Variants in RBP7 observed in about 807,000 individuals in gnomAD.
RBP7 encodes the protein retinoid-binding protein 7.
A neutral mutation model predicts 16.7 loss-of-function variants in RBP7; 13 were observed. The observed-to-expected ratio is 0.78, with a 90% CI of 0.51 to 1.24. The LOEUF (loss-of-function observed/expected upper bound fraction) is 1.24, where lower values mean the gene tolerates loss of function less well. RBP7 is among the 50% of genes most tolerant of loss of function. The pLI is 0.00. For missense variants in RBP7, 145 were observed against 159.5 expected, an observed-to-expected ratio of 0.91 and a Z score of 0.49; for synonymous variants, 54 against 56.2, an observed-to-expected ratio of 0.96 and a Z score of 0.17.
At chr1:10,014,022 C>A (rs991858862) in intron 3 of RBP7, among the ~76,000 whole-genome samples, 3 of 151,898 alleles carry the variant, frequency 2.0e-5, no homozygotes, top group African/African-American at 4.8e-5. Context: ...AAAAAAAGAT[C>A]TTTTGTGTGT....
At chr1:10,003,596 C>T (rs1642338975) in intron 1 of RBP7, among the ~76,000 whole-genome samples, 1 of 152,188 alleles carries the variant, frequency 6.6e-6, no homozygotes, top group African/African-American at 2.4e-5. Context: ...ACTGCTTCTT[C>T]AATAAAGCTG....
chr1:10,002,997 C>CT (rs1398952231), intron 1 of RBP7, among the ~76,000 whole-genome samples: 1 of 152,130 alleles, frequency 6.6e-6, no homozygotes, highest in Non-Finnish European at 1.5e-5. Flanking sequence ...ATGGAAGCAG[C>CT]TTTTCATAAA....
chr1:10,007,785 G>A (rs369736243), intron 2 of RBP7, 37 bp downstream of exon 2: 9 of 1,583,052 alleles, frequency 5.7e-6, no homozygotes, highest in South Asian at 4.5e-5. Flanking sequence ...GGTGGATTAC[G>A]CTTGTAATCC....
At chr1:10,006,945 CT>C (rs1280164688) in intron 1 of RBP7, 1 of 439,496 alleles carries the variant, frequency 2.3e-6, no homozygotes, top group Admixed American at 2.5e-5. Flanking sequence ...CTTTGGTTTT[CT>C]TTTTCTTTCT....
At position 9,997,344 on chromosome 1, in the gene RBP7, G is replaced by C. The variant is rs768413856; in HGVS notation, c.73+13G>C. ...ATGCTGGCCCTAGGTAAGGCGGAGG[G>C]GAGGCGGCGGCGGCGCGAGGCTCGC... On this transcript the variant is annotated intron_variant, in intron 1 of 3. Coordinates refer to ENST00000294435, the MANE Select transcript of RBP7 (RefSeq NM_052960.3). The surrounding 1 kb of genome is among the most constrained non-coding windows in gnomAD (Gnocchi z 5.9). The C allele has an allele frequency of 6.2e-7, 1 of 1,609,204 alleles. No homozygotes were observed. The highest frequency in any genetic ancestry group is 8.5e-7 in the Non-Finnish European group (1 of 1,178,218).
intron 3 of RBP7, among the ~76,000 whole-genome samples, chr1:10,012,626 T>TA (rs144903026): frequency 0.33 from 44,937 of 137,670 alleles, 11,199 homozygotes; most frequent in African/African-American, 0.7. Flanking sequence ...AGCCTGTCTT[T>TA]AAAAAAAAAA....
At chr1:10,013,909 G>A (rs1383076862) in intron 3 of RBP7, among the ~76,000 whole-genome samples, 1 of 152,088 alleles carries the variant, frequency 6.6e-6, no homozygotes. Flanking sequence ...CCAGGAAGTT[G>A]AGGCTAAGGT....
At chr1:10,006,762 T>TAGAGAG (rs558347217) in intron 1 of RBP7, among the ~76,000 whole-genome samples, 169 of 146,518 alleles carry the variant, frequency 1.2e-3, no homozygotes, top group African/African-American at 4.3e-3. Context: ...TATATATATA[T>TAGAGAG]ATAGAGAGAG....
chr1:10,015,819 T>C lies in RBP7; in HGVS notation c.392T>C (p.Phe131Ser). The C allele has an allele frequency of 6.2e-7, 1 of 1,614,036 alleles. No homozygotes were observed. Among genetic ancestry groups the C allele is most frequent in the Non-Finnish European group, 8.5e-7 (1 of 1,179,992 alleles). ...GAAGGTCAAGTGTGCAAACAGACAT[T>C]CCAGAGAGCCTGATCCACATCCAGC... Reference protein sequence around the residue: ...FCEGQVCKQTFQRA With the variant: ...FCEGQVCKQTSQRA Residue 131 changes from phenylalanine to serine, a missense_variant, in exon 4 of 4, where the codon TTC becomes TCC. Coordinates refer to ENST00000294435, the MANE Select transcript of RBP7 (RefSeq NM_052960.3).
chr1:10,007,885 G>A, intron 2 of RBP7, 137 bp downstream of exon 2: 1 of 806,274 alleles, frequency 1.2e-6, no homozygotes, highest in Non-Finnish European at 1.9e-6. Flanking sequence ...TGTCTCTACA[G>A]AAAAAAATTC....
intron 3 of RBP7, among the ~76,000 whole-genome samples, chr1:10,008,668 T>C (rs1160410392): frequency 6.6e-6 from 1 of 151,612 alleles, no homozygotes; most frequent in Non-Finnish European, 1.5e-5. Context: ...CTCGATCTCT[T>C]GACCTCATGA....
chr1:10,008,521 A>G (rs113023880), intron 3 of RBP7, among the ~76,000 whole-genome samples: 14,225 of 150,088 alleles, frequency 0.095, 941 homozygotes, highest in Middle Eastern at 0.2. Context: ...GCTCACTGCA[A>G]CCTCCACCTC....
intron 1 of RBP7, among the ~76,000 whole-genome samples, chr1:10,003,521 C>G (rs972607702): frequency 6.6e-6 from 1 of 152,168 alleles, no homozygotes; most frequent in African/African-American, 2.4e-5. Flanking sequence ...ACAAAACTGC[C>G]CTGAGCTGCT....
chr1:10,006,074 G>T (rs1642432946), intron 1 of RBP7, among the ~76,000 whole-genome samples: 1 of 152,088 alleles, frequency 6.6e-6, no homozygotes, highest in Admixed American at 6.6e-5. Flanking sequence ...GACGTCACCT[G>T]GCCATTATTT....
At chr1:10,006,340 C>A (rs747427577) in intron 1 of RBP7, among the ~76,000 whole-genome samples, 29 of 151,858 alleles carry the variant, frequency 1.9e-4, no homozygotes, top group Admixed American at 1.4e-3. Flanking sequence ...GACTTGATCT[C>A]TACAAAAAAA....
intron 3 of RBP7, among the ~76,000 whole-genome samples, chr1:10,011,269 T>G (rs1163632110): frequency 6.6e-6 from 1 of 152,120 alleles, no homozygotes; most frequent in Non-Finnish European, 1.5e-5. Context: ...AAGGAAGAGG[T>G]TCACCTGCTT....
chr1:10,008,375 C>G, intron 3 of RBP7, 101 bp downstream of exon 3: 1 of 694,748 alleles, frequency 1.4e-6, no homozygotes, highest in Non-Finnish European at 2.5e-6. Flanking sequence ...TTTTAGGAGG[C>G]CGAGGTGGGT....
Position 10,008,194 on chromosome 1 carries a change from G to C in RBP7, c.274G>C (p.Asp92His). The C allele has an allele frequency of 6.2e-7, 1 of 1,611,554 alleles. No individual in the cohort carries two copies. The highest frequency in any genetic ancestry group is 8.5e-7 in the Non-Finnish European group (1 of 1,177,856). The change falls in exon 3 of 4, where the codon GAC (aspartate) becomes CAC (histidine). Residue 92 changes from aspartate (D) to histidine (H), a missense_variant. Physicochemically the swap from Asp to His is moderately conservative, Grantham distance 81. Coordinates refer to ENST00000294435, the MANE Select transcript of RBP7 (RefSeq NM_052960.3). ...KCKSLVIWDN[D>H]RLTCIQKGEK... Reference sequence around the variant, plus strand: ...GCAGAGTTTGGTTATCTGGGACAATGACAGGCTCACCTGTATCCAGAAGGG... The same window carrying C: ...GCAGAGTTTGGTTATCTGGGACAATCACAGGCTCACCTGTATCCAGAAGGG...
intron 3 of RBP7, among the ~76,000 whole-genome samples, chr1:10,013,652 A>G (rs540277611): frequency 4.7e-4 from 71 of 152,162 alleles, no homozygotes; most frequent in Non-Finnish European, 8.7e-4. Context: ...CTACTAAAAA[A>G]TACAAAAATT....
Sources: allele counts gnomAD v4.1 joint callset (sites outside exome capture counted in the v4.1 genomes callset), GRCh38; gene constraint gnomAD v4.1.1; non-coding constraint Gnocchi (gnomAD v3.1); transcripts MANE v1.5; gene names NCBI Gene and HGNC (gene_info 2026-07-23, HGNC 2026-07-21).